Variants in WDTC1 observed in about 807,000 individuals in gnomAD.
WDTC1 encodes WD and tetratricopeptide repeats protein 1.
A neutral mutation model predicts 76.0 loss-of-function variants in WDTC1; 12 were observed. That is an observed-to-expected ratio of 0.16 (90% CI 0.10 to 0.26). The LOEUF (loss-of-function observed/expected upper bound fraction) is 0.26, where lower values mean the gene tolerates loss of function less well. Among genes scored for constraint, WDTC1 ranks in the 10% least tolerant of loss-of-function variants. The pLI, the probability that WDTC1 is intolerant of heterozygous loss-of-function variation, is 1.00. For synonymous variants in WDTC1, 326 were observed against 350.8 expected (o/e 0.93, Z 0.79); for missense variants, 511 against 908.8 (o/e 0.56, Z 5.63).
intron 1 of WDTC1, among the ~76,000 whole-genome samples, chr1:27,254,779 T>G (rs2012219601): frequency 2.0e-5 from 3 of 152,080 alleles, no homozygotes; most frequent in Admixed American, 2.0e-4. Context: ...ATTACAGGCA[T>G]GCACCACCAC....
chr1:27,266,595 T>A (rs1335432815), intron 3 of WDTC1, among the ~76,000 whole-genome samples: 1 of 152,236 alleles, frequency 6.6e-6, no homozygotes, highest in Admixed American at 6.5e-5. Context: ...TTGTTATTTA[T>A]GGAAAGCTCT....
chr1:27,245,870 G>A (rs1212917636), intron 1 of WDTC1, among the ~76,000 whole-genome samples: 1 of 150,836 alleles, frequency 6.6e-6, no homozygotes, highest in Non-Finnish European at 1.5e-5. Context: ...GTAATCCTAT[G>A]GGACATGCTA....
At chr1:27,235,992 G>T (rs973012013) in intron 1 of WDTC1, among the ~76,000 whole-genome samples, 9 of 152,100 alleles carry the variant, frequency 5.9e-5, no homozygotes, top group African/African-American at 2.2e-4. Flanking sequence ...GTTTTGAGAA[G>T]AAACTATTTT....
chr1:27,273,856 GAGAA>G (rs1310357285), intron 3 of WDTC1, among the ~76,000 whole-genome samples: 2 of 151,912 alleles, frequency 1.3e-5, no homozygotes, highest in East Asian at 1.9e-4. Flanking sequence ...TGTAGAGAGA[GAGAA>G]AGGAGAGGGA....
chr1:27,287,932 A>C (rs2013390729), intron 6 of WDTC1, 71 bp downstream of exon 6: 2 of 1,522,342 alleles, frequency 1.3e-6, no homozygotes, highest in South Asian at 2.5e-5. Flanking sequence ...TTCCTTCTAC[A>C]GACCTAGCTC....
chr1:27,252,156 G>T (rs918342772), intron 1 of WDTC1, among the ~76,000 whole-genome samples: 16 of 152,098 alleles, frequency 1.1e-4, no homozygotes, highest in Non-Finnish European at 1.9e-4. Context: ...GACCAGCCTG[G>T]GCAGCATGGT....
intron 3 of WDTC1, among the ~76,000 whole-genome samples, chr1:27,275,232 T>C (rs1262528811): frequency 1.3e-5 from 2 of 152,236 alleles, no homozygotes; most frequent in African/African-American, 4.8e-5. Context: ...TATGAATTTA[T>C]GGAAACAAGT....
intron 1 of WDTC1, among the ~76,000 whole-genome samples, 158 bp from the exon 2 acceptor site, chr1:27,260,798 C>T (rs1042148378): frequency 2.6e-5 from 4 of 152,164 alleles, no homozygotes; most frequent in Non-Finnish European, 5.9e-5. Context: ...TTCACCCATT[C>T]CAGAGGTTTT....
chr1:27,254,775 G>GGCAT (rs2012219230), intron 1 of WDTC1, among the ~76,000 whole-genome samples: 1 of 152,068 alleles, frequency 6.6e-6, no homozygotes, highest in South Asian at 2.1e-4. Flanking sequence ...TGGGATTACA[G>GGCAT]GCATGCACCA....
rs1026216489 is a variant in WDTC1, at chr1:27,298,826, G to A, written c.1232+715G>A. The stretch of plus-strand genomic sequence containing the variant: ...CTGGGCCCACAGCCATTTCTGCTCC[G>A]TCTGGCATCCGTCGGCTCTGCCCAG... On this transcript the variant is annotated intron_variant, in intron 12 of 15. Transcript: ENST00000319394. Among the ~76,000 whole-genome samples the A allele has an allele frequency of 7.0e-5, 10 of 142,440 alleles. No individual in the cohort carries two copies. In the South Asian group the frequency reaches 1.2e-3, roughly 17 times the overall value. 93.4% of individuals were successfully genotyped at this position (142,440 alleles called of 152,430 possible). A position where few individuals can be genotyped will look rare whatever the true frequency, so the allele number is the denominator to read the frequency against.
chr1:27,296,218 C>T (rs1178208947), intron 9 of WDTC1, 108 bp from the exon 10 acceptor site: 14 of 1,268,884 alleles, frequency 1.1e-5, no homozygotes, highest in African/African-American at 1.5e-5. Flanking sequence ...GCTCAACACT[C>T]ACTGTGTTCC....
In WDTC1 at chr1:27,296,419, G is replaced by T; in HGVS notation, c.949+18G>T. On this transcript the variant is annotated intron_variant, in intron 10 of 15. Transcript: ENST00000319394. ...CTCGGGGGGTAAGTTCTCCCTTAGG[G>T]TATCTCTACTGCGGCGGTGTAGGGG... is the stretch of plus-strand genomic sequence containing the variant. 1 of 1,613,700 alleles carries T rather than the reference G, an allele frequency of 6.2e-7. No homozygotes were observed. The highest frequency in any genetic ancestry group is 8.5e-7 in the Non-Finnish European group (1 of 1,179,724).
chr1:27,307,606 C>T lies in WDTC1; in HGVS notation c.*1223C>T, dbSNP rs2013987984. On this transcript the variant is annotated 3_prime_UTR_variant, in exon 16 of 16. Coordinates refer to ENST00000319394, the MANE Select transcript of WDTC1 (RefSeq NM_001276252.2). This position sits in a 1 kb window ranked among gnomAD's most constrained non-coding sequence, Gnocchi z 4.1. ...AGCAGCCTCCCTTCTCCTCTCCCTCCACTCCCTCGCTCCCTCCCTCAGCCC... is the reference window on the plus strand; with the variant it reads ...AGCAGCCTCCCTTCTCCTCTCCCTCTACTCCCTCGCTCCCTCCCTCAGCCC... 6.5e-6 allele frequency: 1 copy of T among 152,966 alleles called. No homozygotes were observed. Among genetic ancestry groups the T allele is most frequent in the African/African-American group, 2.4e-5 (1 of 41,426 alleles). 9.5% of individuals were successfully genotyped at this position (152,966 alleles called of 1,614,324 possible).
rs1247313241 is a variant in WDTC1 at position 27,303,574 on chromosome 1, G to A, written c.1469-47G>A. On this transcript the variant is annotated intron_variant, in intron 13 of 15. Coordinates refer to ENST00000319394, the MANE Select transcript of WDTC1 (RefSeq NM_001276252.2). This position sits in a 1 kb window ranked among gnomAD's most constrained non-coding sequence, Gnocchi z 4.8. ...CCATAGGTGGGGGAAAATAGGGAAG[G>A]AGAGAAAGGAACAAGGCGCTTACCT... 20 of 1,534,202 alleles carry A rather than the reference G, an allele frequency of 1.3e-5. No homozygotes were observed. Among genetic ancestry groups the A allele is most frequent in the Non-Finnish European group, 1.7e-5 (20 of 1,146,612 alleles).
chr1:27,287,545 C>A, intron 5 of WDTC1, 129 bp from the exon 6 acceptor site: 1 of 1,086,248 alleles, frequency 9.2e-7, no homozygotes, highest in Non-Finnish European at 1.3e-6. Flanking sequence ...AGCCACCGCG[C>A]CCAGCCTGCA....
In WDTC1 at chr1:27,287,589, A is replaced by G. The variant is rs2013377374; in HGVS notation, c.292-85A>G. The stretch of plus-strand genomic sequence containing the variant: ...TTCTCTTATCTGACATGGAGAGAGA[A>G]AAGGGTGCAGACATCCAGGCTAGCC... On this transcript the variant is annotated intron_variant, in intron 5 of 15. Coordinates refer to ENST00000319394, the MANE Select transcript of WDTC1 (RefSeq NM_001276252.2). 22 of 1,426,576 alleles carry G rather than the reference A, an allele frequency of 1.5e-5. No individual in the cohort carries two copies. In the South Asian group the frequency reaches 2.8e-4, roughly 18 times the overall value. 88.4% of individuals were successfully genotyped at this position (1,426,576 alleles called of 1,614,324 possible). A position where few individuals can be genotyped will look rare whatever the true frequency, so the allele number is the denominator to read the frequency against.
chr1:27,276,955 C>T (rs1389382307), intron 3 of WDTC1, among the ~76,000 whole-genome samples: 8 of 150,704 alleles, frequency 5.3e-5, no homozygotes, highest in Admixed American at 5.3e-4. Flanking sequence ...GTTTCTTTTC[C>T]TTTGTGTGTT....
intron 5 of WDTC1, among the ~76,000 whole-genome samples, 165 bp from the exon 6 acceptor site, chr1:27,287,500 CCTCAGCCTG>C (rs1030108066): frequency 1.3e-5 from 2 of 152,100 alleles, no homozygotes; most frequent in Admixed American, 6.5e-5. Context: ...GATTTTCCTG[CCTCAGCCTG>C]CTGAGCAGCT....
At chr1:27,296,963 C>A in intron 10 of WDTC1, 85 bp from the exon 11 acceptor site, 1 of 1,178,568 alleles carries the variant, frequency 8.5e-7, no homozygotes, top group Admixed American at 1.7e-5. Context: ...CCATCAGACC[C>A]CGTGATGGAA....
Sources: gnomAD v4.1 joint callset for allele counts (sites outside exome capture counted in the v4.1 genomes callset) on GRCh38, gnomAD v4.1.1 for gene constraint, Gnocchi (gnomAD v3.1) non-coding constraint, MANE v1.5 for transcripts, NCBI Gene and HGNC (gene_info 2026-07-23, HGNC 2026-07-21) for gene names.